PHLDB1: variants seen among roughly 807,000 people sequenced by gnomAD.
The protein encoded by PHLDB1 is pleckstrin homology-like domain family B member 1.
In PHLDB1, 65 loss-of-function variants were observed where a neutral mutation model predicts 139.3. The observed-to-expected ratio is 0.47, with a 90% CI of 0.38 to 0.57. PHLDB1 has a LOEUF of 0.57. Among genes scored for constraint, PHLDB1 ranks in the 20% least tolerant of loss-of-function variants. The pLI is 0.00. For synonymous variants in PHLDB1, 679 were observed against 734.5 expected, an observed-to-expected ratio of 0.92 and a Z score of 1.22; for missense variants, 1,624 against 1,839.7, an observed-to-expected ratio of 0.88 and a Z score of 2.14.
chr11:118,655,632 T>C lies in PHLDB1; in HGVS notation c.3902T>C (p.Val1301Ala), dbSNP rs1352056013. The change falls in exon 21 of 23, where the codon GTC (valine) becomes GCC (alanine). Residue 1301 changes from valine to alanine, a missense_variant. Transcript: ENST00000600882. The part of the protein sequence containing the change: ...VDKHETKLKG[V>A]IYFQAIEEVY... ...AAGCATGAGACGAAGCTGAAGGGAG[T>C]CATCTATTTCCAGGCCATTGAGGAA... The C allele has an allele frequency of 1.9e-6, 3 of 1,611,944 alleles. No homozygotes were observed. Among genetic ancestry groups the C allele is most frequent in the Non-Finnish European group, 2.5e-6 (3 of 1,179,188 alleles).
intron 5 of PHLDB1, among the ~76,000 whole-genome samples, chr11:118,626,088 C>T (rs1460555899): frequency 6.6e-6 from 1 of 152,158 alleles, no homozygotes; most frequent in African/African-American, 2.4e-5. Flanking sequence ...GCTGGCATGG[C>T]TTAATGGGAT....
chr11:118,638,865 C>A, intron 10 of PHLDB1, 26 bp from the exon 11 acceptor site: 1 of 1,567,046 alleles, frequency 6.4e-7, no homozygotes, highest in Non-Finnish European at 8.7e-7. Flanking sequence ...TCCCCAGGGC[C>A]TGATCAACCA....
chr11:118,612,270 T>C (rs186794117), intron 1 of PHLDB1, among the ~76,000 whole-genome samples: 1 of 152,328 alleles, frequency 6.6e-6, no homozygotes, highest in Admixed American at 6.5e-5. Context: ...AGGCTTTATA[T>C]ATCCCAGTCT....
In PHLDB1 at chr11:118,645,129, G is replaced by A; in HGVS notation, c.3122-227G>A. ...CTATATGGACTCAGGGTGCGAAAGAGCACTGAAGCCAGACTGTGCATCTGT... is the reference window on the plus strand; with the variant it reads ...CTATATGGACTCAGGGTGCGAAAGAACACTGAAGCCAGACTGTGCATCTGT... On this transcript the variant is annotated intron_variant, in intron 15 of 22. Coordinates refer to ENST00000600882, the MANE Select transcript of PHLDB1 (RefSeq NM_001144758.3). The surrounding 1 kb of genome is among the most constrained non-coding windows in gnomAD (Gnocchi z 5.1). 2.1e-6 allele frequency: 1 copy of A among 486,920 alleles called. No homozygotes were observed. Among genetic ancestry groups the A allele is most frequent in the Non-Finnish European group, 3.6e-6 (1 of 278,794 alleles). The allele number at this position is 486,920 out of a possible 1,614,324, so 30.2% of individuals were successfully genotyped here.
rs1939486725 is a variant in PHLDB1, at chr11:118,608,241, T to A, written c.-22+542T>A. Reference sequence around the variant, plus strand: ...GTCTTGAGCGTCTAGGAGGGCTGCCTGGGGGTGTCCAGGAGATGGGAAGCC... The same window carrying A: ...GTCTTGAGCGTCTAGGAGGGCTGCCAGGGGGTGTCCAGGAGATGGGAAGCC... On this transcript the variant is annotated intron_variant, in intron 1 of 22. Transcript: ENST00000600882. This position sits in a 1 kb window ranked among gnomAD's most constrained non-coding sequence, Gnocchi z 6.7. 2.0e-5 allele frequency among the ~76,000 whole-genome samples: 3 copies of A among 152,010 alleles called. No homozygotes were observed. In the South Asian group the frequency reaches 6.2e-4, roughly 31 times the overall value.
Position 118,638,745 on chromosome 11 carries a change from T to TC in PHLDB1, c.2536-145dup. The TC allele has an allele frequency of 4.8e-6, 3 of 628,214 alleles. 1 individual carries two copies. The South Asian group carries it at 6.2e-5, about 13-fold the overall frequency. 38.9% of individuals were successfully genotyped at this position (628,214 alleles called of 1,614,324 possible). On this transcript the variant is annotated intron_variant, in intron 10 of 22. Transcript: ENST00000600882. ...AAGGAGCCCACATGGCAGCCTGTTT[T>TC]CTTAGGGTGAGTTGAGGCCAAGCAG...
chr11:118,627,652 C>G lies in PHLDB1; in HGVS notation c.829C>G (p.Pro277Ala). 1 of 1,612,004 alleles carries G rather than the reference C, an allele frequency of 6.2e-7. No individual in the cohort carries two copies. The highest frequency in any genetic ancestry group is 8.5e-7 in the Non-Finnish European group (1 of 1,180,034). ...CASHSPSGQE[P>A]GPSVPPLVPA... ...CAGTCACTCACCCAGTGGGCAAGAG[C>G]CAGGACCTTCTGTGCCCCCGCTGGT... Residue 277 changes from proline to alanine, a missense_variant, in exon 6 of 23, where the codon CCA (proline) becomes GCA (alanine). Physicochemically the swap from Pro to Ala is conservative, Grantham distance 27. Coordinates refer to ENST00000600882, the MANE Select transcript of PHLDB1 (RefSeq NM_001144758.3).
intron 1 of PHLDB1, among the ~76,000 whole-genome samples, chr11:118,609,163 GCAGCCCGTCACACACA>G: frequency 1.9e-5 from 2 of 106,566 alleles, no homozygotes; most frequent in East Asian, 3.0e-4. Flanking sequence ...GCTCACACAA[GCAGCCCGTCACACACA>G]CAGCCCAGCT....
intron 2 of PHLDB1, 25 bp from the exon 3 acceptor site, chr11:118,614,534 T>G (rs376146230): frequency 1.3e-4 from 212 of 1,612,782 alleles, no homozygotes; most frequent in Non-Finnish European, 1.6e-4. Flanking sequence ...TAATGATGCT[T>G]GTCCTCCACC....
Position 118,628,587 on chromosome 11 carries a change from C to T in PHLDB1, c.1764C>T (p.Asp588=). ...SITEISDNED[D]LLEYHRRQRQ... ...CAGAGATCAGTGACAATGAGGACGACCTCCTGGAGTACCACCGGCGACAGC... is the reference window on the plus strand; with the variant it reads ...CAGAGATCAGTGACAATGAGGACGATCTCCTGGAGTACCACCGGCGACAGC... The change falls in exon 6 of 23, where the codon GAC becomes GAT. Residue 588 remains aspartate (D), a synonymous_variant. Transcript: ENST00000600882. The T allele has an allele frequency of 6.2e-7, 1 of 1,612,948 alleles. No individual in the cohort carries two copies. Among genetic ancestry groups the T allele is most frequent in the Non-Finnish European group, 8.5e-7 (1 of 1,179,938 alleles).
At chr11:118,617,804 T>C (rs1452931262) in intron 4 of PHLDB1, among the ~76,000 whole-genome samples, 1 of 152,020 alleles carries the variant, frequency 6.6e-6, no homozygotes, top group Non-Finnish European at 1.5e-5. Flanking sequence ...AATTGGGGCT[T>C]GGCTATGATG....
chr11:118,656,919 T>C lies in PHLDB1; in HGVS notation c.*96T>C. On this transcript the variant is annotated 3_prime_UTR_variant, in exon 23 of 23. Transcript: ENST00000600882. ...CTTGGTCCTGTGAGTTTCTGGGCTC[T>C]GGCCTCCTGAAGAACCAGCCAGAAG... The C allele has an allele frequency of 8.8e-7, 1 of 1,140,970 alleles. No individual in the cohort carries two copies. The highest frequency in any genetic ancestry group is 1.2e-6 in the Non-Finnish European group (1 of 805,242). The allele number at this position is 1,140,970 out of a possible 1,614,324, so 70.7% of individuals were successfully genotyped here. A position where few individuals can be genotyped will look rare whatever the true frequency, so the allele number is the denominator to read the frequency against.
In PHLDB1 at chr11:118,625,059, G is replaced by C. The variant is rs1943618935; in HGVS notation, c.481G>C (p.Ala161Pro). ...TGGGCCCCCCTACAGCCCTGTTCCT[G>C]GTAGGTACCGACGGGGGCAGGGTGC... ...APGPPYSPVP[A>P]ESESLVNGNH... Residue 161 changes from alanine to proline, a missense_variant and splice_region_variant, in exon 5 of 23, where the codon GCA becomes CCA. Transcript: ENST00000600882. The C allele has an allele frequency of 1.2e-6, 2 of 1,601,696 alleles. No individual in the cohort carries two copies. Among genetic ancestry groups the C allele is most frequent in the African/African-American group, 2.7e-5 (2 of 74,460 alleles).
At chr11:118,643,369 T>G in intron 13 of PHLDB1, 2 of 215,964 alleles carry the variant, frequency 9.3e-6, no homozygotes, top group Non-Finnish European at 1.6e-5. Flanking sequence ...AGCTTGGCCA[T>G]TATTTAGTCT....
chr11:118,625,610 G>A (rs1943722144), intron 5 of PHLDB1, among the ~76,000 whole-genome samples: 1 of 152,222 alleles, frequency 6.6e-6, no homozygotes, highest in Non-Finnish European at 1.5e-5. Flanking sequence ...AGGGGGGCAG[G>A]AGGGGTGCAG....
chr11:118,635,158 A>G (rs1315050777), intron 9 of PHLDB1: 24 of 579,772 alleles, frequency 4.1e-5, no homozygotes, highest in Non-Finnish European at 7.2e-5. Context: ...CCTGCCGGAC[A>G]CCAGGGTCGG....
chr11:118,610,016 C>T lies in PHLDB1; in HGVS notation c.-22+2317C>T, dbSNP rs1939856385. On this transcript the variant is annotated intron_variant, in intron 1 of 22. Coordinates refer to ENST00000600882, the MANE Select transcript of PHLDB1 (RefSeq NM_001144758.3). This position sits in a 1 kb window ranked among gnomAD's most constrained non-coding sequence, Gnocchi z 8.7. ...GCCTCCCTCTCCTTCGCCCCATCTC[C>T]CCGCCCGTCAGCCTCCCCTCCGCTG... 6.6e-6 allele frequency among the ~76,000 whole-genome samples: 1 copy of T among 152,024 alleles called. No homozygotes were observed. The highest frequency in any genetic ancestry group is 2.1e-4 in the South Asian group (1 of 4,814).
At position 118,635,757 on chromosome 11, in the gene PHLDB1, T is replaced by A. The variant is rs75446397; in HGVS notation, c.2535+209T>A. Reference sequence around the variant, plus strand: ...TAATGAGCACTCGGTGAAGAATAACTATTATTAAGCTCTGACTCCCCTCAG... The same window carrying A: ...TAATGAGCACTCGGTGAAGAATAACAATTATTAAGCTCTGACTCCCCTCAG... On this transcript the variant is annotated intron_variant, in intron 10 of 22. Coordinates refer to ENST00000600882, the MANE Select transcript of PHLDB1 (RefSeq NM_001144758.3). 4.3e-3 allele frequency among the ~76,000 whole-genome samples: 655 copies of A among 152,354 alleles called. 15 individuals are homozygous for A. The highest frequency in any genetic ancestry group is 0.038 in the East Asian group (196 of 5,184).
At position 118,624,989 on chromosome 11, in the gene PHLDB1, A is replaced by G. The variant is rs1943606887; in HGVS notation, c.411A>G (p.Glu137=). ...TCCTTCGCTTTAACCACCCGGCTGA[A>G]GCCAAGTGGATGAAAAGCATGATTC... ...STFLRFNHPA[E]AKWMKSMIPA... Residue 137 remains glutamate (E), a synonymous_variant, in exon 5 of 23, where the codon GAA becomes GAG. Transcript: ENST00000600882. 4 of 1,613,954 alleles carry G rather than the reference A, an allele frequency of 2.5e-6. No homozygotes were observed. In the East Asian group the frequency reaches 6.7e-5, roughly 27 times the overall value.
Sources: allele counts gnomAD v4.1 joint callset (sites outside exome capture counted in the v4.1 genomes callset), GRCh38; gene constraint gnomAD v4.1.1; non-coding constraint Gnocchi (gnomAD v3.1); transcripts MANE v1.5; gene names NCBI Gene and HGNC (gene_info 2026-07-23, HGNC 2026-07-21).